The following VAV3 variants were observed in gnomAD, a reference collection of about 807,000 sequenced individuals.
VAV3 encodes vav guanine nucleotide exchange factor 3, also known as guanine nucleotide exchange factor VAV3.
Under a neutral mutation model 131.2 loss-of-function variants are expected in VAV3, and 94 were observed. The observed-to-expected ratio is 0.72, with a 90% confidence interval of 0.61 to 0.85. The LOEUF (loss-of-function observed/expected upper bound fraction) is 0.85. Ranked by LOEUF, VAV3 falls within the 40% of genes least tolerant of loss-of-function variation. The pLI, the probability that VAV3 is intolerant of heterozygous loss-of-function variation, is 0.00. For synonymous variants in VAV3, 349 were observed against 342.0 expected (o/e 1.02, Z -0.22); for missense variants, 939 against 1,002.7 (o/e 0.94, Z 0.86).
chr1:107,851,925 TA>T (rs1305866803), intron 2 of VAV3, among the ~76,000 whole-genome samples: 4 of 152,182 alleles, frequency 2.6e-5, no homozygotes, highest in Non-Finnish European at 5.9e-5. Flanking sequence ...TTTCAGGTTT[TA>T]CTAGATACAA....
intron 17 of VAV3, among the ~76,000 whole-genome samples, chr1:107,696,409 G>A (rs947741008): frequency 6.6e-6 from 1 of 151,910 alleles, no homozygotes; most frequent in Non-Finnish European, 1.5e-5. Context: ...TTCCCATCTG[G>A]GTGTACTTCT....
At chr1:107,861,398 C>G (rs142707429) in intron 2 of VAV3, among the ~76,000 whole-genome samples, 3 of 151,768 alleles carry the variant, frequency 2.0e-5, no homozygotes, top group African/African-American at 7.2e-5. Context: ...ACTTTATCAT[C>G]TGGCAGCCAA....
intron 1 of VAV3, among the ~76,000 whole-genome samples, chr1:107,939,546 T>G (rs1021844514): frequency 1.9e-4 from 29 of 152,190 alleles, no homozygotes; most frequent in African/African-American, 6.8e-4. Context: ...GCCAGCATTT[T>G]TTGGATATAG....
intron 2 of VAV3, among the ~76,000 whole-genome samples, chr1:107,842,264 T>A (rs545840087): frequency 6.6e-6 from 1 of 152,200 alleles, no homozygotes; most frequent in Admixed American, 6.5e-5. Context: ...ACCTTGGACA[T>A]AGCTGAATGG....
At chr1:107,637,876 T>C (rs1044126966) in intron 20 of VAV3, among the ~76,000 whole-genome samples, 1 of 152,210 alleles carries the variant, frequency 6.6e-6, no homozygotes, top group Non-Finnish European at 1.5e-5. Context: ...AATATATAAT[T>C]GCCACTTGGG....
At chr1:107,875,717 T>TA (rs1337934754) in intron 1 of VAV3, among the ~76,000 whole-genome samples, 1 of 152,178 alleles carries the variant, frequency 6.6e-6, no homozygotes, top group East Asian at 1.9e-4. Context: ...TCTGATGGTT[T>TA]AAAAAGGTCT....
chr1:107,657,784 G>A (rs1377900481), intron 19 of VAV3, among the ~76,000 whole-genome samples: 1 of 152,124 alleles, frequency 6.6e-6, no homozygotes, highest in Non-Finnish European at 1.5e-5. Context: ...AACAGAACTG[G>A]ATATTAAAAC....
intron 25 of VAV3, among the ~76,000 whole-genome samples, chr1:107,594,984 T>G (rs1224011663): frequency 6.6e-6 from 1 of 152,118 alleles, no homozygotes; most frequent in Non-Finnish European, 1.5e-5. Context: ...CTGGGGGAAA[T>G]GTCATAGCTT....
chr1:107,642,585 C>G, intron 20 of VAV3, 34 bp downstream of exon 20: 10 of 1,608,004 alleles, frequency 6.2e-6, no homozygotes, highest in Non-Finnish European at 8.5e-6. Context: ...CTCTTGGGGT[C>G]TGCATCAGGA....
intron 15 of VAV3, among the ~76,000 whole-genome samples, chr1:107,732,131 C>T (rs1662281660): frequency 6.6e-6 from 1 of 152,214 alleles, no homozygotes; most frequent in African/African-American, 2.4e-5. Flanking sequence ...TAATCCCATT[C>T]TCCACAGATC....
intron 19 of VAV3, among the ~76,000 whole-genome samples, chr1:107,653,675 A>G (rs1246832904): frequency 2.6e-5 from 4 of 152,110 alleles, no homozygotes; most frequent in African/African-American, 7.2e-5. Flanking sequence ...GAATATATAC[A>G]TTTATCAGTT....
chr1:107,854,353 A>G (rs1364648032), intron 2 of VAV3, among the ~76,000 whole-genome samples: 1 of 152,114 alleles, frequency 6.6e-6, no homozygotes, highest in Non-Finnish European at 1.5e-5. Flanking sequence ...AACAGACATA[A>G]GCCGACACCA....
At chr1:107,686,259 C>T (rs56188737) in intron 18 of VAV3, among the ~76,000 whole-genome samples, 40,376 of 151,830 alleles carry the variant, frequency 0.27, 6,598 homozygotes, top group East Asian at 0.44. Context: ...TGGTTATGGA[C>T]GCCCCACGGA....
chr1:107,876,265 C>T (rs140821903), intron 1 of VAV3, among the ~76,000 whole-genome samples: 124 of 152,188 alleles, frequency 8.1e-4, no homozygotes, highest in Non-Finnish European at 5.7e-4. Flanking sequence ...GTGAAAGTCA[C>T]GGGTACCTTG....
chr1:107,899,838 C>T (rs1671773026), intron 1 of VAV3, among the ~76,000 whole-genome samples: 1 of 152,146 alleles, frequency 6.6e-6, no homozygotes, highest in Admixed American at 6.5e-5. Context: ...TACTTGGCTG[C>T]CTCTGCTTTT....
rs541727648 is a variant in VAV3, at chr1:107,619,837, A to C, written c.1915-2205T>G. Reference sequence around the variant, plus strand: ...AGGAGAATAAGTGACATTTTGTGACAGTGTATGTTGGCCAATGTAATGCTA... The same window carrying C: ...AGGAGAATAAGTGACATTTTGTGACCGTGTATGTTGGCCAATGTAATGCTA... On this transcript the variant is annotated intron_variant, in intron 20 of 26. Transcript: ENST00000370056. Among the ~76,000 whole-genome samples the C allele has an allele frequency of 2.6e-5, 4 of 152,278 alleles. No homozygotes were observed. In the East Asian group the frequency reaches 7.7e-4, roughly 29 times the overall value.
chr1:107,831,636 G>T (rs1291673347), intron 2 of VAV3, among the ~76,000 whole-genome samples: 1 of 151,994 alleles, frequency 6.6e-6, no homozygotes, highest in East Asian at 1.9e-4. Context: ...TGAGTATTTG[G>T]ATATATCCTT....
chr1:107,698,202 T>C (rs1036823541), intron 17 of VAV3, among the ~76,000 whole-genome samples: 2 of 152,216 alleles, frequency 1.3e-5, no homozygotes, highest in South Asian at 2.1e-4. Context: ...GGTTCATTTA[T>C]GATTTTTCCA....
At chr1:107,922,158 C>T (rs1478005647) in intron 1 of VAV3, among the ~76,000 whole-genome samples, 2 of 152,140 alleles carry the variant, frequency 1.3e-5, no homozygotes, top group East Asian at 1.9e-4. Flanking sequence ...TTGACAGTTG[C>T]CTCCACTGGG....
Sources: gnomAD v4.1 joint callset for allele counts (sites outside exome capture counted in the v4.1 genomes callset) on GRCh38, gnomAD v4.1.1 for gene constraint, MANE v1.5 for transcripts, NCBI Gene and HGNC (gene_info 2026-07-23, HGNC 2026-07-21) for gene names.